GRM7: variants seen among roughly 807,000 people sequenced by gnomAD.
GRM7 encodes glutamate metabotropic receptor 7.
A neutral mutation model predicts 84.5 loss-of-function variants in GRM7; 35 were observed. That is an observed-to-expected ratio of 0.41 (90% CI 0.32 to 0.55). The LOEUF is 0.55. Ranked by LOEUF, GRM7 falls within the 20% of genes least tolerant of loss-of-function variation. GRM7 has a pLI of 0.19. For synonymous variants in GRM7, 487 were observed against 455.1 expected (o/e 1.07, Z -0.89); for missense variants, 1,003 against 1,194.6 (o/e 0.84, Z 2.36).
intron 1 of GRM7, among the ~76,000 whole-genome samples, chr3:6,950,528 G>T (rs540123980): frequency 6.6e-6 from 1 of 152,208 alleles, no homozygotes; most frequent in African/African-American, 2.4e-5. Flanking sequence ...GAGCCAGTCT[G>T]CCCGTTCTCA....
intron 4 of GRM7, among the ~76,000 whole-genome samples, chr3:7,408,269 T>C (rs1168118752): frequency 1.3e-5 from 2 of 152,164 alleles, no homozygotes; most frequent in African/African-American, 4.8e-5. Flanking sequence ...TTTAAAGGGA[T>C]AAAAAATGAC....
At chr3:7,407,996 C>T (rs1018316168) in intron 4 of GRM7, among the ~76,000 whole-genome samples, 1 of 152,158 alleles carries the variant, frequency 6.6e-6, no homozygotes, top group African/African-American at 2.4e-5. Context: ...TATATTAGCA[C>T]ATCCGATAGT....
intron 4 of GRM7, among the ~76,000 whole-genome samples, chr3:7,335,222 C>A (rs1701356955): frequency 6.6e-6 from 1 of 152,020 alleles, no homozygotes; most frequent in South Asian, 2.1e-4. Context: ...CTCTCTCAGA[C>A]CACAGTGAAA....
At chr3:7,621,502 A>T (rs1379810042) in intron 8 of GRM7, among the ~76,000 whole-genome samples, 1 of 152,156 alleles carries the variant, frequency 6.6e-6, no homozygotes, top group African/African-American at 2.4e-5. Flanking sequence ...TGTGACTTGC[A>T]TTAGTCCTGT....
rs1475956283 is a variant in GRM7 at position 7,388,267 on chromosome 3, T to G, written c.1034-26756T>G. 2.0e-5 allele frequency among the ~76,000 whole-genome samples: 3 copies of G among 152,132 alleles called. 1 individual carries two copies. In the East Asian group the frequency reaches 5.8e-4, roughly 29 times the overall value. ...GAGTTTGACTTCCTCCTTTTCCTAC[T>G]TGGATGCCTTTTGTTTCTTTCTCTT... On this transcript the variant is annotated intron_variant, in intron 4 of 9. Coordinates refer to ENST00000357716, the MANE Select transcript of GRM7 (RefSeq NM_000844.4).
At chr3:7,665,666 CATTAAAT>C (rs1447186185) in intron 8 of GRM7, among the ~76,000 whole-genome samples, 1 of 112,596 alleles carries the variant, frequency 8.9e-6, no homozygotes, top group Non-Finnish European at 1.9e-5. Flanking sequence ...TCTACTCTTT[CATTAAAT>C]AAGTTTTTAA....
Position 7,075,743 on chromosome 3 carries a change from T to C in GRM7, c.520-70709T>C, listed in dbSNP as rs551473511. On this transcript the variant is annotated intron_variant, in intron 1 of 9. Transcript: ENST00000357716. ...GTTTCACCATGTTGGCCAGGCTGGT[T>C]TCGAACTCCTGACCTCAGGTGATCT... Among the ~76,000 whole-genome samples the C allele has an allele frequency of 6.7e-3, 1,021 of 152,072 alleles. 6 individuals carry two copies. The highest frequency in any genetic ancestry group is 0.01 in the Non-Finnish European group (691 of 67,962).
chr3:7,607,433 G>A (rs1354244793), intron 8 of GRM7: 2 of 152,086 alleles, frequency 1.3e-5, no homozygotes, highest in Non-Finnish European at 1.5e-5. Flanking sequence ...AGTAGTTAAA[G>A]AGTATAAAGA....
intron 8 of GRM7, among the ~76,000 whole-genome samples, chr3:7,677,261 TTAAAAAAAAAA>T (rs1700162020): frequency 9.7e-6 from 1 of 103,398 alleles, no homozygotes; most frequent in Non-Finnish European, 1.8e-5. Flanking sequence ...GACTCTGTCT[TTAAAAAAAAAA>T]AAAAAAAAAA....
In GRM7 at chr3:7,452,636, T is replaced by C; in HGVS notation, c.1204T>C (p.Tyr402His). ...GGAGAGAATTGGAAAAGATTCCAAC[T>C]ATGAGCAGGAGGGTAAAGTCCAGTT... ...GQERIGKDSN[Y>H]EQEGKVQFVI... is the part of the protein sequence containing the mutation. The change falls in exon 6 of 10, where the codon TAT becomes CAT. Residue 402 changes from tyrosine to histidine, a missense_variant. Physicochemically the swap from Tyr to His is moderately conservative, Grantham distance 83. Coordinates refer to ENST00000357716, the MANE Select transcript of GRM7 (RefSeq NM_000844.4). The C allele has an allele frequency of 6.2e-7, 1 of 1,612,498 alleles. No homozygotes were observed. The highest frequency in any genetic ancestry group is 1.3e-5 in the African/African-American group (1 of 74,956).
intron 7 of GRM7, among the ~76,000 whole-genome samples, chr3:7,554,959 T>A (rs934138607): frequency 1.3e-5 from 2 of 152,170 alleles, no homozygotes; most frequent in African/African-American, 4.8e-5. Flanking sequence ...GAGAGTGATC[T>A]CTTAGGGTGG....
chr3:6,995,370 A>G (rs572291001), intron 1 of GRM7, among the ~76,000 whole-genome samples: 2 of 152,358 alleles, frequency 1.3e-5, no homozygotes, highest in South Asian at 4.1e-4. Context: ...TGTTGCAAGA[A>G]TACTTTTCTT....
intron 9 of GRM7, among the ~76,000 whole-genome samples, chr3:7,732,971 T>A (rs2106528235): frequency 6.6e-6 from 1 of 152,356 alleles, no homozygotes; most frequent in Non-Finnish European, 1.5e-5. Context: ...TCCTCCCCTT[T>A]TTAGACCATA....
chr3:7,207,618 C>A (rs567771595), intron 2 of GRM7, among the ~76,000 whole-genome samples: 1 of 152,138 alleles, frequency 6.6e-6, no homozygotes, highest in Non-Finnish European at 1.5e-5. Context: ...GGGCTAGAAG[C>A]AAATTCCTAA....
intron 9 of GRM7, among the ~76,000 whole-genome samples, chr3:7,718,211 C>T (rs1701831954): frequency 1.3e-5 from 2 of 152,190 alleles, no homozygotes; most frequent in African/African-American, 4.8e-5. Context: ...CATGTCTGAG[C>T]ATAGGACACG....
At chr3:7,123,108 A>G (rs905769716) in intron 1 of GRM7, among the ~76,000 whole-genome samples, 3 of 152,270 alleles carry the variant, frequency 2.0e-5, no homozygotes, top group Admixed American at 2.0e-4. Context: ...CGATTCATGC[A>G]AATAATGTAT....
intron 2 of GRM7, among the ~76,000 whole-genome samples, chr3:7,158,979 G>A (rs1265665075): frequency 1.3e-5 from 2 of 152,078 alleles, no homozygotes; most frequent in Non-Finnish European, 2.9e-5. Flanking sequence ...TGATTTTCTT[G>A]TTGTCAGTTC....
In GRM7 at chr3:7,486,612, C is replaced by T. The variant is rs1699332725; in HGVS notation, c.1515+24890C>T. 6.6e-6 allele frequency among the ~76,000 whole-genome samples: 1 copy of T among 152,196 alleles called. No homozygotes were observed. Among genetic ancestry groups the T allele is most frequent in the South Asian group, 2.1e-4 (1 of 4,826 alleles). ...TCTCTGCACACACCTGCTTCTTTCA[C>T]TTCTCTGCCATGTTGACACAGCACA... On this transcript the variant is annotated intron_variant, in intron 7 of 9. Coordinates refer to ENST00000357716, the MANE Select transcript of GRM7 (RefSeq NM_000844.4). The surrounding 1 kb of genome is among the most constrained non-coding windows in gnomAD (Gnocchi z 5.5).
At chr3:7,050,860 T>G (rs912843643) in intron 1 of GRM7, among the ~76,000 whole-genome samples, 3 of 151,852 alleles carry the variant, frequency 2.0e-5, no homozygotes, top group Non-Finnish European at 4.4e-5. Flanking sequence ...CCACAGTGTT[T>G]GATTCAAAAC....
Sources: gnomAD v4.1 joint callset for allele counts (sites outside exome capture counted in the v4.1 genomes callset) on GRCh38, gnomAD v4.1.1 for gene constraint, Gnocchi (gnomAD v3.1) non-coding constraint, MANE v1.5 for transcripts, NCBI Gene and HGNC (gene_info 2026-07-23, HGNC 2026-07-21) for gene names.